Variants in NELL2 observed in about 807,000 individuals in gnomAD.
The protein encoded by NELL2 is neural EGFL like 2, also known as protein kinase C-binding protein NELL2.
NELL2 carries 41 observed loss-of-function variants against 109.6 expected under a neutral mutation model. The observed-to-expected ratio is 0.37, with a 90% CI of 0.29 to 0.49. The LOEUF (loss-of-function observed/expected upper bound fraction) is 0.49. Ranked by LOEUF, NELL2 falls within the 20% of genes least tolerant of loss-of-function variation. NELL2 has a pLI of 0.98. For missense variants in NELL2, 900 were observed against 1,008.3 expected (o/e 0.89, Z 1.45); for synonymous variants, 355 against 344.7 (o/e 1.03, Z -0.33).
chr12:44,643,657 T>C (rs1484451847), intron 13 of NELL2, among the ~76,000 whole-genome samples: 1 of 152,186 alleles, frequency 6.6e-6, no homozygotes, highest in Admixed American at 6.5e-5. Flanking sequence ...AGAAATCATG[T>C]AGCAACAAGA....
At chr12:44,675,405 C>T (rs1040615333) in intron 12 of NELL2, among the ~76,000 whole-genome samples, 1 of 152,122 alleles carries the variant, frequency 6.6e-6, no homozygotes, top group Non-Finnish European at 1.5e-5. Flanking sequence ...GCTATACAGT[C>T]ATATTCTACC....
chr12:44,686,434 C>G (rs1948719100), intron 12 of NELL2, among the ~76,000 whole-genome samples: 1 of 152,248 alleles, frequency 6.6e-6, no homozygotes, highest in Non-Finnish European at 1.5e-5. Context: ...CATTCTCCCT[C>G]CAGCTTTATT....
At chr12:44,823,149 T>C (rs577890333) in intron 2 of NELL2, among the ~76,000 whole-genome samples, 1 of 152,298 alleles carries the variant, frequency 6.6e-6, no homozygotes, top group African/African-American at 2.4e-5. Context: ...ATTGTATATA[T>C]TTAATGTGTA....
intron 12 of NELL2, among the ~76,000 whole-genome samples, chr12:44,701,313 T>G (rs1284152939): frequency 6.6e-6 from 1 of 152,102 alleles, no homozygotes; most frequent in African/African-American, 2.4e-5. Flanking sequence ...CAACAAATTT[T>G]TCCATCACTT....
chr12:44,833,624 A>G (rs1943955537), intron 2 of NELL2, among the ~76,000 whole-genome samples: 1 of 152,204 alleles, frequency 6.6e-6, no homozygotes, highest in African/African-American at 2.4e-5. Flanking sequence ...TTTCTTTTCC[A>G]AGGCTTGGAA....
intron 9 of NELL2, among the ~76,000 whole-genome samples, chr12:44,749,510 C>T (rs1354498131): frequency 6.6e-6 from 1 of 152,104 alleles, no homozygotes; most frequent in Non-Finnish European, 1.5e-5. Context: ...CAGATGACAC[C>T]TCTTCTTGCT....
intron 13 of NELL2, among the ~76,000 whole-genome samples, chr12:44,663,352 G>A (rs1566112203): frequency 6.6e-6 from 1 of 152,132 alleles, no homozygotes; most frequent in East Asian, 1.9e-4. Flanking sequence ...CATAGACCTA[G>A]TCATAATAGA....
rs142927424 is a variant in NELL2, at chr12:44,786,495, A to T, written c.336-6473T>A. Among the ~76,000 whole-genome samples, 556 of 152,298 alleles carry T rather than the reference A, an allele frequency of 3.7e-3. 1 individual carries two copies. The highest frequency in any genetic ancestry group is 0.013 in the African/African-American group (532 of 41,564). On this transcript the variant is annotated intron_variant, in intron 3 of 19. Transcript: ENST00000429094. Reference sequence around the variant, plus strand: ...ATTCCTCAAGGATCTAGAACCAGAAATACCTTTTGACACAGCAATCCCATT... The same window carrying T: ...ATTCCTCAAGGATCTAGAACCAGAATTACCTTTTGACACAGCAATCCCATT...
chr12:44,771,520 T>C (rs745579478), intron 9 of NELL2, among the ~76,000 whole-genome samples: 9 of 152,218 alleles, frequency 5.9e-5, no homozygotes, highest in Non-Finnish European at 1.2e-4. Context: ...AGTATGTGTC[T>C]TGTAACCTAT....
intron 8 of NELL2, 39 bp downstream of exon 8, chr12:44,775,983 T>A: frequency 6.3e-7 from 1 of 1,597,708 alleles, no homozygotes; most frequent in Non-Finnish European, 8.5e-7. Context: ...AGTGGGAGCA[T>A]CTGAGTTCCC....
intron 13 of NELL2, among the ~76,000 whole-genome samples, chr12:44,611,228 A>T (rs1210390564): frequency 6.6e-6 from 1 of 152,068 alleles, no homozygotes; most frequent in Non-Finnish European, 1.5e-5. Context: ...TAGAGAGGGG[A>T]GGCAAAGATG....
chr12:44,761,639 A>G (rs921304463), intron 9 of NELL2, among the ~76,000 whole-genome samples: 2 of 152,222 alleles, frequency 1.3e-5, no homozygotes, highest in African/African-American at 4.8e-5. Flanking sequence ...CAGCCCATCA[A>G]TGTAATGACT....
rs778181427 is a variant in NELL2, at chr12:44,711,313, T to A, written c.1168A>T (p.Ser390Cys). ...TTACCTTTACAAACTTTGCAACAGC[T>A]GTGAGACAAGGTTATCTGATGAGAC... ...PESHQITLSHSCCKVCKGYDF... is the reference protein window; with the variant it reads ...PESHQITLSHCCCKVCKGYDF... The change falls in exon 11 of 20, where the codon AGC becomes TGC. Residue 390 changes from serine (S) to cysteine (C), a missense_variant. This residue lies in a region of NELL2 where 292 missense variants were observed against 265.3 expected (regional missense o/e 1.10). Transcript: ENST00000429094. The A allele has an allele frequency of 9.3e-6, 15 of 1,612,346 alleles. No homozygotes were observed. The highest frequency in any genetic ancestry group is 1.7e-5 in the Admixed American group (1 of 59,836).
intron 15 of NELL2, among the ~76,000 whole-genome samples, chr12:44,554,618 T>G (rs2136171360): frequency 6.6e-6 from 1 of 152,344 alleles, no homozygotes; most frequent in East Asian, 1.9e-4. Flanking sequence ...TATGTCAATT[T>G]CAATTTTTAA....
intron 1 of NELL2, among the ~76,000 whole-genome samples, chr12:44,900,247 C>T (rs1945645244): frequency 6.6e-6 from 1 of 152,134 alleles, no homozygotes; most frequent in Non-Finnish European, 1.5e-5. Context: ...GAACTCAGCT[C>T]AGGACCAAGC....
chr12:44,834,072 C>T lies in NELL2; in HGVS notation c.185-17936G>A, dbSNP rs149742992. On this transcript the variant is annotated intron_variant, in intron 2 of 19. Transcript: ENST00000429094. ...TGGGCATTTCCACCTCAATACCACACTTAGATAGATGTATTTCTGAATTAC... is the reference window on the plus strand; with the variant it reads ...TGGGCATTTCCACCTCAATACCACATTTAGATAGATGTATTTCTGAATTAC... 3.2e-3 allele frequency among the ~76,000 whole-genome samples: 489 copies of T among 152,224 alleles called. 3 individuals are homozygous for T. Among genetic ancestry groups the T allele is most frequent in the Non-Finnish European group, 5.6e-3 (378 of 68,016 alleles).
intron 15 of NELL2, among the ~76,000 whole-genome samples, chr12:44,585,568 C>T (rs770544824): frequency 8.6e-5 from 13 of 152,042 alleles, no homozygotes; most frequent in South Asian, 8.3e-4. Flanking sequence ...ACAAATAGAA[C>T]GCTATGTTCT....
chr12:44,590,793 T>C (rs1428185683), intron 15 of NELL2, among the ~76,000 whole-genome samples: 2 of 152,014 alleles, frequency 1.3e-5, no homozygotes, highest in African/African-American at 4.8e-5. Context: ...ACCGAAAAGC[T>C]TCTGCATAGC....
chr12:44,796,987 G>A (rs527742474), intron 3 of NELL2, among the ~76,000 whole-genome samples: 20 of 152,120 alleles, frequency 1.3e-4, no homozygotes, highest in Middle Eastern at 3.4e-3. Context: ...TGATTCTGGA[G>A]ATAAGAATTA....
Sources: gnomAD v4.1 joint callset for allele counts (sites outside exome capture counted in the v4.1 genomes callset) on GRCh38, gnomAD v4.1.1 for gene constraint, gnomAD v4.1.1 regional missense constraint, MANE v1.5 for transcripts, NCBI Gene and HGNC (gene_info 2026-07-23, HGNC 2026-07-21) for gene names.